ANKRD30A: variants seen among roughly 807,000 people sequenced by gnomAD.
ANKRD30A encodes the protein ankyrin repeat domain-containing protein 30A.
ANKRD30A carries 170 observed loss-of-function variants against 166.3 expected under a neutral mutation model. The ratio of observed to expected loss-of-function variants is 1.02; its 90% CI spans 0.90 to 1.16. The LOEUF is 1.16. Among genes scored for constraint, ANKRD30A ranks in the 50% most tolerant of loss-of-function variants. The probability of loss-of-function intolerance (pLI) is 0.00; values close to 1 mark genes in which losing one functional copy is unlikely to be tolerated. For synonymous variants in ANKRD30A, 564 were observed against 508.9 expected, an observed-to-expected ratio of 1.11 and a Z score of -1.46; for missense variants, 1,630 against 1,518.0, an observed-to-expected ratio of 1.07 and a Z score of -1.23.
At chr10:37,261,030 A>C in the ANKRD30A span, among the ~76,000 whole-genome samples, 1 of 152,138 alleles carries the variant, frequency 6.6e-6, no homozygotes, top group African/African-American at 2.4e-5. Flanking sequence ...CTTTACCCCC[A>C]AATGTAAAAT....
At chr10:37,171,415 A>G (rs879286104) in intron 21 of ANKRD30A, among the ~76,000 whole-genome samples, 4 of 149,278 alleles carry the variant, frequency 2.7e-5, no homozygotes, top group Non-Finnish European at 5.9e-5. Flanking sequence ...CTACTTTCCA[A>G]TACGCATTAC....
Position 37,167,541 on chromosome 10 carries a change from A to C in ANKRD30A, c.2155+846A>C, listed in dbSNP as rs550870286. Among the ~76,000 whole-genome samples the C allele has an allele frequency of 3.8e-4, 58 of 151,878 alleles. 1 individual carries two copies. Among genetic ancestry groups the C allele is most frequent in the African/African-American group, 1.4e-3 (58 of 41,250 alleles). On this transcript the variant is annotated intron_variant, in intron 19 of 35. Coordinates refer to ENST00000361713, the MANE Select transcript of ANKRD30A (RefSeq NM_052997.3). ...TATTCGTAGGTATTTTACTGATTTT[A>C]ACATAGAAAATGTTATTAATATTTA...
At chr10:37,190,572 T>C (rs1448987410) in intron 25 of ANKRD30A, among the ~76,000 whole-genome samples, 1 of 151,818 alleles carries the variant, frequency 6.6e-6, no homozygotes, top group Non-Finnish European at 1.5e-5. Flanking sequence ...GTCTAGTGAT[T>C]ATTTTTGCTA....
rs71489127 is a variant in ANKRD30A at position 37,191,220 on chromosome 10, G to A, written c.2512+1663G>A. 9.7e-3 allele frequency among the ~76,000 whole-genome samples: 1,475 copies of A among 151,952 alleles called. 45 individuals carry two copies. The highest frequency in any genetic ancestry group is 0.034 in the African/African-American group (1,395 of 41,364). ...AGTGGATTAAGAGATATTGAGATGA[G>A]TAAGCTAGAAATTACAAAAATGTTG... On this transcript the variant is annotated intron_variant, in intron 25 of 35. Transcript: ENST00000361713.
chr10:37,142,335 G>T (rs377204199), intron 7 of ANKRD30A, 45 bp downstream of exon 7: 347 of 1,516,158 alleles, frequency 2.3e-4, no homozygotes, highest in Admixed American at 6.7e-4. Flanking sequence ...GGCACTTCAG[G>T]TTCCCTAGTG....
In ANKRD30A at chr10:37,189,924, T is replaced by G. The variant is rs116588843; in HGVS notation, c.2512+367T>G. Among the ~76,000 whole-genome samples, 326 of 151,910 alleles carry G rather than the reference T, an allele frequency of 2.1e-3. 4 individuals carry two copies. Among genetic ancestry groups the G allele is most frequent in the African/African-American group, 7.3e-3 (301 of 41,328 alleles). The stretch of plus-strand genomic sequence containing the variant: ...ATGGAGGATGATAAAATGAAATGAT[T>G]GCTTAGGAAAAGATCGGGTATGGTT... On this transcript the variant is annotated intron_variant, in intron 25 of 35. Transcript: ENST00000361713.
In ANKRD30A at chr10:37,149,582, G is replaced by T; in HGVS notation, c.1544-69G>T. 2.6e-6 allele frequency: 4 copies of T among 1,523,088 alleles called. No homozygotes were observed. In the East Asian group the frequency reaches 9.0e-5, roughly 34 times the overall value. The allele number at this position is 1,523,088 out of a possible 1,614,324, so 94.3% of individuals were successfully genotyped here. The stretch of plus-strand genomic sequence containing the variant: ...CCAAGAGGAATCAGTTACATACTAT[G>T]ACTGCATTCATTTGGTTGGCATTGT... On this transcript the variant is annotated intron_variant, in intron 9 of 35. Transcript: ENST00000361713.
chr10:37,135,121 G>T (rs1836602830), intron 5 of ANKRD30A: 1 of 152,116 alleles, frequency 6.6e-6, no homozygotes, highest in African/African-American at 2.4e-5. Flanking sequence ...TTCAAATTCT[G>T]CATTACCATG....
the ANKRD30A span, among the ~76,000 whole-genome samples, chr10:37,248,487 C>T: frequency 3.3e-5 from 5 of 152,134 alleles, no homozygotes; most frequent in Non-Finnish European, 7.4e-5. Flanking sequence ...TCCTGCTTCC[C>T]CCCATCAGCC....
chr10:37,144,829 G>C (rs1837385781), intron 7 of ANKRD30A, among the ~76,000 whole-genome samples, 166 bp from the exon 8 acceptor site: 1 of 122,260 alleles, frequency 8.2e-6, no homozygotes, highest in South Asian at 2.7e-4. Context: ...TAAGATTGCA[G>C]CTCTAACCAT....
chr10:37,165,302 C>G (rs546672395), intron 18 of ANKRD30A, 147 bp downstream of exon 18: 45 of 804,280 alleles, frequency 5.6e-5, no homozygotes, highest in Middle Eastern at 6.0e-4. Context: ...AATGGAGAAT[C>G]TATGTGCTAA....
At chr10:37,196,581 T>TA (rs1192716466) in intron 27 of ANKRD30A, among the ~76,000 whole-genome samples, 2 of 152,134 alleles carry the variant, frequency 1.3e-5, no homozygotes, top group Non-Finnish European at 2.9e-5. Context: ...ACTTAACAAT[T>TA]AAAAAAGTTA....
chr10:37,219,585 A>T lies in ANKRD30A; in HGVS notation c.3873A>T (p.Thr1291=). Residue 1291 remains threonine, a synonymous_variant, in exon 34 of 36, where the codon ACA becomes ACT. Coordinates refer to ENST00000361713, the MANE Select transcript of ANKRD30A (RefSeq NM_052997.3). ...SEHAQRDQRE[T]QCQMKEAEHM... is the part of the protein sequence containing the mutation. ...ATGCACAAAGAGACCAACGTGAAAC[A>T]CAGTGTCAAATGAAGGAAGCTGAAC... 6.2e-7 allele frequency: 1 copy of T among 1,610,430 alleles called. No individual in the cohort carries two copies. The highest frequency in any genetic ancestry group is 8.5e-7 in the Non-Finnish European group (1 of 1,177,710).
intron 3 of ANKRD30A, 122 bp from the exon 4 acceptor site, chr10:37,132,118 G>A (rs563963377): frequency 3.5e-6 from 2 of 578,838 alleles, no homozygotes; most frequent in South Asian, 3.8e-5. Flanking sequence ...GAGAAAGAAG[G>A]GACTGCTATT....
At chr10:37,215,151 A>G (rs1842538321) in intron 31 of ANKRD30A, among the ~76,000 whole-genome samples, 1 of 151,446 alleles carries the variant, frequency 6.6e-6, no homozygotes, top group Admixed American at 6.6e-5. Context: ...AAACAGCTTG[A>G]TCTTTTTCAT....
chr10:37,198,255 A>G (rs1841318848), intron 29 of ANKRD30A, among the ~76,000 whole-genome samples: 1 of 152,008 alleles, frequency 6.6e-6, no homozygotes, highest in African/African-American at 2.4e-5. Flanking sequence ...TCAACTTCTA[A>G]TATGTAGATG....
At chr10:37,221,491 A>C (rs1842897087) in intron 34 of ANKRD30A, among the ~76,000 whole-genome samples, 1 of 151,232 alleles carries the variant, frequency 6.6e-6, no homozygotes, top group Non-Finnish European at 1.5e-5. Flanking sequence ...ATTAAATGTA[A>C]CATGCCAACA....
chr10:37,182,948 C>T (rs1588874906), intron 24 of ANKRD30A, among the ~76,000 whole-genome samples: 1 of 151,292 alleles, frequency 6.6e-6, no homozygotes, highest in East Asian at 1.9e-4. Context: ...TGTCCTGGAA[C>T]TTCCTTGTTT....
At chr10:37,234,455 A>T (rs1843586150), downstream of ANKRD30A, among the ~76,000 whole-genome samples, 1 of 152,154 alleles carries the variant, frequency 6.6e-6, no homozygotes, top group African/African-American at 2.4e-5. Context: ...AGCTGGTTTA[A>T]AGTTTTTTTT....
Sources: gnomAD v4.1 joint callset for allele counts (sites outside exome capture counted in the v4.1 genomes callset) on GRCh38, gnomAD v4.1.1 for gene constraint, MANE v1.5 for transcripts, NCBI Gene and HGNC (gene_info 2026-07-23, HGNC 2026-07-21) for gene names.